PER3: variants seen among roughly 807,000 people sequenced by gnomAD.
PER3 encodes the protein period circadian protein homolog 3.
Under a neutral mutation model 127.2 loss-of-function variants are expected in PER3, and 107 were observed. That is an observed-to-expected ratio of 0.84 (90% CI 0.72 to 0.99). The LOEUF is 0.99. Among genes scored for constraint, PER3 ranks in the 50% least tolerant of loss-of-function variants. The pLI is 0.00. For synonymous variants in PER3, 618 were observed against 585.8 expected, an observed-to-expected ratio of 1.05 and a Z score of -0.79; for missense variants, 1,560 against 1,525.8, an observed-to-expected ratio of 1.02 and a Z score of -0.37.
chr1:7,834,419 A>C (rs1017935653), intron 19 of PER3, among the ~76,000 whole-genome samples: 1 of 152,184 alleles, frequency 6.6e-6, no homozygotes, highest in Admixed American at 6.5e-5. Context: ...TTTAAACAGT[A>C]ACAACCTCTT....
rs141260595 is a variant in PER3 at position 7,843,877 on chromosome 1, C to T, written c.*1122C>T. On this transcript the variant is annotated 3_prime_UTR_variant, in exon 22 of 22. Coordinates refer to ENST00000377532, the MANE Select transcript of PER3 (RefSeq NM_001377275.1). ...TGTGATTGTTTACTTGATAAATCAG[C>T]TCACTCTCTGGTGCTTTTTAGAGAA... 1 of 1,235,110 alleles carries T rather than the reference C, an allele frequency of 8.1e-7. No individual in the cohort carries two copies. The highest frequency in any genetic ancestry group is 6.1e-5 in the East Asian group (1 of 16,496). The allele number at this position is 1,235,110 out of a possible 1,614,324, so 76.5% of individuals were successfully genotyped here. A position where few individuals can be genotyped will look rare whatever the true frequency, so the allele number is the denominator to read the frequency against.
At chr1:7,794,853 TATATAC>T (rs1470112789) in intron 6 of PER3, among the ~76,000 whole-genome samples, 1 of 150,642 alleles carries the variant, frequency 6.6e-6, no homozygotes, top group Non-Finnish European at 1.5e-5. Context: ...CCTTTTATGT[TATATAC>T]ATAATATATA....
intron 21 of PER3, among the ~76,000 whole-genome samples, chr1:7,841,288 ATT>A (rs148419490): frequency 2.0e-5 from 3 of 146,840 alleles, no homozygotes; most frequent in Non-Finnish European, 1.5e-5. Context: ...TGCCTTAATG[ATT>A]TTTTTTTTTT....
At position 7,803,733 on chromosome 1, in the gene PER3, A is replaced by G; in HGVS notation, c.1021A>G (p.Ile341Val). ...GCATCCTCCCTTTGAACATTCTCCC[A>G]TTCGATTTTGTACTCAAAACGGAGA... ...AGHPPFEHSP[I>V]RFCTQNGDYI... The change falls in exon 10 of 22, where the codon ATT becomes GTT. Residue 341 changes from isoleucine to valine, a missense_variant. This residue lies in a region of PER3 where 1,332 missense variants were observed against 1,223.6 expected (regional missense o/e 1.09). Transcript: ENST00000377532. 1 of 1,609,460 alleles carries G rather than the reference A, an allele frequency of 6.2e-7. No individual in the cohort carries two copies. The highest frequency in any genetic ancestry group is 2.2e-5 in the East Asian group (1 of 44,856).
chr1:7,810,457 A>G lies in PER3; in HGVS notation c.1391A>G (p.Tyr464Cys), dbSNP rs147799707. Residue 464 changes from tyrosine to cysteine, a missense_variant, in exon 13 of 22, where the codon TAT becomes TGT. By Grantham distance (194) the Tyr-to-Cys change is radical. This residue lies in a region of PER3 where 1,332 missense variants were observed against 1,223.6 expected (regional missense o/e 1.09). Coordinates refer to ENST00000377532, the MANE Select transcript of PER3 (RefSeq NM_001377275.1). ...CCTAAGATGACCTTGCAGCAGGTCT[A>G]TGCCAGTGTGAACAAAATTAAAAAT... ...KAEQMTLQQV[Y>C]ASVNKIKNLG... is the part of the protein sequence containing the mutation. 349 of 1,611,692 alleles carry G rather than the reference A, an allele frequency of 2.2e-4. 1 individual carries two copies. The highest frequency in any genetic ancestry group is 3.3e-4 in the Middle Eastern group (2 of 6,056).
Position 7,819,306 on chromosome 1 carries a change from C to A in PER3, c.1544C>A (p.Ser515Tyr), listed in dbSNP as rs767117119. ...NGGGECKTFTSFHQTLKNNSV... is the reference protein window; with the variant it reads ...NGGGECKTFTYFHQTLKNNSV... ...TCAGGTGAATGTAAGACCTTTACTT[C>A]CTTCCACCAAACACTGAAAAACAAT... Residue 515 changes from serine (S) to tyrosine (Y), a missense_variant, in exon 14 of 22, where the codon TCC becomes TAC. By Grantham distance (144) the Ser-to-Tyr change is moderately radical (BLOSUM62 -2). Coordinates refer to ENST00000377532, the MANE Select transcript of PER3 (RefSeq NM_001377275.1). 1.8e-5 allele frequency: 29 copies of A among 1,613,560 alleles called. No homozygotes were observed. Among genetic ancestry groups the A allele is most frequent in the Non-Finnish European group, 2.5e-5 (29 of 1,179,596 alleles).
At chr1:7,815,154 CAG>C (rs2097241542) in intron 13 of PER3, among the ~76,000 whole-genome samples, 1 of 152,162 alleles carries the variant, frequency 6.6e-6, no homozygotes, top group Non-Finnish European at 1.5e-5. Flanking sequence ...ATGGAACAAA[CAG>C]AAAACAGCTA....
At position 7,800,488 on chromosome 1, in the gene PER3, G is replaced by A. The variant is rs116886234; in HGVS notation, c.794-625G>A. 8.5e-5 allele frequency among the ~76,000 whole-genome samples: 13 copies of A among 152,060 alleles called. No individual in the cohort carries two copies. In the East Asian group the frequency reaches 2.1e-3, roughly 25 times the overall value. On this transcript the variant is annotated intron_variant, in intron 7 of 21. Transcript: ENST00000377532. ...GCTGGGATTACACGCGTGAGCCACCGAGCCCGGCGACACTTCATTTTTAAA... is the reference window on the plus strand; with the variant it reads ...GCTGGGATTACACGCGTGAGCCACCAAGCCCGGCGACACTTCATTTTTAAA...
intron 4 of PER3, 72 bp downstream of exon 4, chr1:7,786,908 T>C: frequency 1.2e-6 from 1 of 845,738 alleles, no homozygotes; most frequent in Non-Finnish European, 2.0e-6. Context: ...ATGTAGGCTT[T>C]TAAGAAGGAT....
Position 7,837,036 on chromosome 1 carries a change from C to G in PER3, c.3436C>G (p.Leu1146Val), listed in dbSNP as rs774248323. Reference sequence around the variant, plus strand: ...TGTACTAAAAGAAGACCTGGAAAAGCTAGAAAGTATGAGGCAGCAGCAGCC... The same window carrying G: ...TGTACTAAAAGAAGACCTGGAAAAGGTAGAAAGTATGAGGCAGCAGCAGCC... ...EVVLKEDLEK[L>V]ESMRQQQPQF... Residue 1146 changes from leucine (L) to valine (V), a missense_variant, in exon 21 of 22, where the codon CTA (leucine) becomes GTA (valine). Coordinates refer to ENST00000377532, the MANE Select transcript of PER3 (RefSeq NM_001377275.1). 1.2e-5 allele frequency: 20 copies of G among 1,613,674 alleles called. No homozygotes were observed. In the African/African-American group the frequency reaches 2.4e-4, roughly 19 times the overall value.
At chr1:7,799,170 A>G (rs548845626) in intron 7 of PER3, among the ~76,000 whole-genome samples, 2 of 152,346 alleles carry the variant, frequency 1.3e-5, no homozygotes, top group South Asian at 2.1e-4. Flanking sequence ...CAGATGTAAA[A>G]TGACATATGC....
chr1:7,803,488 T>G (rs2097179673), intron 9 of PER3, among the ~76,000 whole-genome samples: 1 of 151,750 alleles, frequency 6.6e-6, no homozygotes, highest in Admixed American at 6.6e-5. Flanking sequence ...CTCAGGAGGC[T>G]GAGGCACAAG....
chr1:7,829,227 A>G (rs781145238), intron 18 of PER3, among the ~76,000 whole-genome samples: 3 of 152,238 alleles, frequency 2.0e-5, no homozygotes, highest in Non-Finnish European at 4.4e-5. Context: ...CATACTATAC[A>G]TATCTATGGT....
At position 7,798,623 on chromosome 1, in the gene PER3, C is replaced by T. The variant is rs1577692498; in HGVS notation, c.743C>T (p.Ser248Leu). Residue 248 changes from serine (S) to leucine (L), a missense_variant, in exon 7 of 22, where the codon TCG (serine) becomes TTG (leucine). Ser to Leu is a moderately radical substitution (Grantham distance 145). Transcript: ENST00000377532. ...CACCCTGCCCAGCCAGAATTGGAATCGGAACCTTGCTGTCTCACTGTGGTT... is the reference window on the plus strand; with the variant it reads ...CACCCTGCCCAGCCAGAATTGGAATTGGAACCTTGCTGTCTCACTGTGGTT... ...VHHPAQPELE[S>L]EPCCLTVVEK... is the part of the protein sequence containing the mutation. 13 of 1,613,646 alleles carry T rather than the reference C, an allele frequency of 8.1e-6. No homozygotes were observed. Among genetic ancestry groups the T allele is most frequent in the East Asian group, 4.5e-5 (2 of 44,882 alleles).
intron 12 of PER3, 171 bp downstream of exon 12, chr1:7,810,192 C>A: frequency 1.4e-6 from 1 of 704,220 alleles, no homozygotes; most frequent in Non-Finnish European, 2.4e-6. Flanking sequence ...GAAAATATCA[C>A]CTTTGGAAAG....
chr1:7,834,332 C>T (rs2097347327), intron 19 of PER3, among the ~76,000 whole-genome samples: 1 of 152,086 alleles, frequency 6.6e-6, no homozygotes, highest in African/African-American at 2.4e-5. Flanking sequence ...TTCCATGTCC[C>T]CTTTGTCTTT....
intron 19 of PER3, among the ~76,000 whole-genome samples, chr1:7,832,430 G>C (rs1448057328): frequency 7.0e-6 from 1 of 142,062 alleles, no homozygotes; most frequent in African/African-American, 2.6e-5. Context: ...CTGGAGTGCA[G>C]TGGCACGATA....
rs562273059 is a variant in PER3, at chr1:7,819,024, ATT to A, written c.1523-257_1523-256del. Among the ~76,000 whole-genome samples, 172 of 152,294 alleles carry A rather than the reference ATT, an allele frequency of 1.1e-3. 1 individual carries two copies. The highest frequency in any genetic ancestry group is 4.0e-3 in the African/African-American group (166 of 41,572). The stretch of plus-strand genomic sequence containing the variant: ...CATTCCTTGATAATCTTTGTTGGAA[ATT>A]TTTGTTTCATTCCTTATTTTTCTAA... On this transcript the variant is annotated intron_variant, in intron 13 of 21. Transcript: ENST00000377532.
intron 5 of PER3, among the ~76,000 whole-genome samples, chr1:7,789,765 T>C (rs1219269779): frequency 1.3e-5 from 2 of 152,230 alleles, no homozygotes; most frequent in African/African-American, 2.4e-5. Flanking sequence ...AAGGGTAGCT[T>C]TGCGTGTTTC....
Sources: gnomAD v4.1 joint callset for allele counts (sites outside exome capture counted in the v4.1 genomes callset) on GRCh38, gnomAD v4.1.1 for gene constraint, gnomAD v4.1.1 regional missense constraint, MANE v1.5 for transcripts, NCBI Gene and HGNC (gene_info 2026-07-23, HGNC 2026-07-21) for gene names.